Variants in WWTR1 observed in about 807,000 individuals in gnomAD.
WWTR1 encodes the protein WW domain containing transcription regulator 1.
In WWTR1, 13 loss-of-function variants were observed where a neutral mutation model predicts 40.1. That is an observed-to-expected ratio of 0.32 (90% CI 0.21 to 0.52). The LOEUF is 0.52. WWTR1 is among the 20% of genes least tolerant of loss of function. The pLI is 0.97. For synonymous variants in WWTR1, 230 were observed against 210.1 expected (o/e 1.09, Z -0.82); for missense variants, 436 against 523.1 (o/e 0.83, Z 1.63).
At chr3:149,604,010 A>G (rs1739376890) in intron 2 of WWTR1, among the ~76,000 whole-genome samples, 1 of 152,218 alleles carries the variant, frequency 6.6e-6, no homozygotes, top group Non-Finnish European at 1.5e-5. Flanking sequence ...GAGTTCATTA[A>G]ATATATTCAA....
At chr3:149,528,453 T>C (rs1302766431) in intron 4 of WWTR1, among the ~76,000 whole-genome samples, 1 of 152,148 alleles carries the variant, frequency 6.6e-6, no homozygotes, top group Admixed American at 6.5e-5. Flanking sequence ...AGTTTTATGT[T>C]TACAGACAGG....
At position 149,550,411 on chromosome 3, in the gene WWTR1, A is replaced by G. The variant is rs565915365; in HGVS notation, c.569-7874T>C. ...ATAGGGGGTACCAAGACTTTCTGAAAGAGATATATGAATTCAACAACTCGT... is the reference window on the plus strand; with the variant it reads ...ATAGGGGGTACCAAGACTTTCTGAAGGAGATATATGAATTCAACAACTCGT... On this transcript the variant is annotated intron_variant, in intron 3 of 6. Coordinates refer to ENST00000360632, the MANE Select transcript of WWTR1 (RefSeq NM_015472.6). Among the ~76,000 whole-genome samples, 4 of 152,316 alleles carry G rather than the reference A, an allele frequency of 2.6e-5. No homozygotes were observed. In the East Asian group the frequency reaches 7.7e-4, roughly 29 times the overall value.
At chr3:149,690,881 A>C (rs530386161) in intron 1 of WWTR1, among the ~76,000 whole-genome samples, 3 of 152,298 alleles carry the variant, frequency 2.0e-5, no homozygotes, top group African/African-American at 7.2e-5. Context: ...AAAACACTGC[A>C]ATCATTTTAA....
At chr3:149,602,453 T>G (rs1270137221) in intron 2 of WWTR1, among the ~76,000 whole-genome samples, 1 of 152,162 alleles carries the variant, frequency 6.6e-6, no homozygotes, top group African/African-American at 2.4e-5. Context: ...ACCCTGAAAT[T>G]CCAGCAGTCA....
At chr3:149,618,285 T>C (rs896815356) in intron 2 of WWTR1, among the ~76,000 whole-genome samples, 2 of 152,176 alleles carry the variant, frequency 1.3e-5, no homozygotes, top group Non-Finnish European at 1.5e-5. Context: ...GGGTCTACAA[T>C]GTCTTGCAGC....
chr3:149,561,550 T>C (rs555187752), intron 3 of WWTR1, among the ~76,000 whole-genome samples: 1 of 152,368 alleles, frequency 6.6e-6, no homozygotes, highest in East Asian at 1.9e-4. Flanking sequence ...AAAATTATCC[T>C]ATACATAAAC....
intron 2 of WWTR1, 120 bp downstream of exon 2, chr3:149,656,754 ATC>A (rs1187453125): frequency 1.0e-5 from 8 of 767,876 alleles, no homozygotes; most frequent in Non-Finnish European, 1.5e-5. Context: ...GACACGCACC[ATC>A]TCTCTCTTTC....
At chr3:149,697,359 C>T (rs973229246) in intron 1 of WWTR1, among the ~76,000 whole-genome samples, 14 of 151,998 alleles carry the variant, frequency 9.2e-5, no homozygotes, top group Non-Finnish European at 2.9e-5. Flanking sequence ...AGAGTGAGAA[C>T]TCACTCATCA....
intron 2 of WWTR1, among the ~76,000 whole-genome samples, chr3:149,575,067 C>T (rs1737820524): frequency 6.6e-6 from 1 of 151,694 alleles, no homozygotes; most frequent in Admixed American, 6.6e-5. Flanking sequence ...GCACTCCAGC[C>T]TAGGCAGCAG....
At chr3:149,612,738 G>A (rs1474529666) in intron 2 of WWTR1, among the ~76,000 whole-genome samples, 1 of 152,124 alleles carries the variant, frequency 6.6e-6, no homozygotes, top group East Asian at 1.9e-4. Flanking sequence ...GTTATTCTCA[G>A]CATTTGTCAT....
At chr3:149,614,983 CAA>C (rs1329700872) in intron 2 of WWTR1, among the ~76,000 whole-genome samples, 1 of 138,612 alleles carries the variant, frequency 7.2e-6, no homozygotes, top group African/African-American at 2.7e-5. Flanking sequence ...AACTCTGTCT[CAA>C]AAAAAAAAAG....
upstream of WWTR1, among the ~76,000 whole-genome samples, chr3:149,659,053 A>G (rs1385882598): frequency 1.3e-5 from 2 of 152,154 alleles, no homozygotes; most frequent in African/African-American, 4.8e-5. Flanking sequence ...GTCTGGCGAA[A>G]CAGCTGCGGG....
intron 3 of WWTR1, among the ~76,000 whole-genome samples, chr3:149,555,988 G>T (rs978412219): frequency 6.6e-6 from 1 of 152,208 alleles, no homozygotes; most frequent in Non-Finnish European, 1.5e-5. Flanking sequence ...TGGAAATCAG[G>T]GTGGGGGACA....
chr3:149,677,937 ATTT>A (rs34388497), intron 1 of WWTR1, among the ~76,000 whole-genome samples: 1 of 142,800 alleles, frequency 7.0e-6, no homozygotes, highest in Non-Finnish European at 1.5e-5. Context: ...TAATTTTTGT[ATTT>A]TTTTTTTTTT....
intron 3 of WWTR1, among the ~76,000 whole-genome samples, chr3:149,552,175 T>C (rs1736642036): frequency 1.4e-5 from 2 of 145,376 alleles, no homozygotes; most frequent in Admixed American, 1.4e-4. Context: ...CTCATGTTCC[T>C]GGACTTGTGC....
At chr3:149,674,174 C>A (rs1427786954) in intron 1 of WWTR1, among the ~76,000 whole-genome samples, 1 of 151,842 alleles carries the variant, frequency 6.6e-6, no homozygotes, top group African/African-American at 2.4e-5. Context: ...GAGCCATGAT[C>A]ATGCCACTGC....
At position 149,656,865 on chromosome 3, in the gene WWTR1, G is replaced by A; in HGVS notation, c.431+11C>T. 3 of 1,508,206 alleles carry A rather than the reference G, an allele frequency of 2.0e-6. No individual in the cohort carries two copies. The highest frequency in any genetic ancestry group is 1.3e-5 in the South Asian group (1 of 75,104). 93.4% of individuals were successfully genotyped at this position (1,508,206 alleles called of 1,614,324 possible). ...TGACTTGGTGCCTTCTTCGGCTCCA[G>A]GCTGACTTACTTGAGGAAGTACCTC... On this transcript the variant is annotated intron_variant, in intron 2 of 6. Transcript: ENST00000360632.
intron 1 of WWTR1, among the ~76,000 whole-genome samples, chr3:149,684,698 G>A (rs1391959267): frequency 6.6e-6 from 1 of 152,014 alleles, no homozygotes; most frequent in African/African-American, 2.4e-5. Flanking sequence ...CGAGTAGCTG[G>A]GACTATAGTT....
At chr3:149,540,168 C>T (rs1448290159) in intron 4 of WWTR1, 6 of 455,254 alleles carry the variant, frequency 1.3e-5, no homozygotes, top group Non-Finnish European at 2.6e-5. Flanking sequence ...CAAATCTGGA[C>T]AATCTTTTCT....
Sources: allele counts gnomAD v4.1 joint callset (sites outside exome capture counted in the v4.1 genomes callset), GRCh38; gene constraint gnomAD v4.1.1; transcripts MANE v1.5; gene names NCBI Gene and HGNC (gene_info 2026-07-23, HGNC 2026-07-21).